The following WNK3 variants were observed in gnomAD, a reference collection of about 807,000 sequenced individuals.
WNK3 encodes WNK lysine deficient protein kinase 3, also known as serine/threonine-protein kinase WNK3.
WNK3 carries 18 observed loss-of-function variants against 116.7 expected under a neutral mutation model. The ratio of observed to expected loss-of-function variants is 0.15; its 90% CI spans 0.11 to 0.23. WNK3 has a LOEUF of 0.23. Among genes scored for constraint, WNK3 ranks in the 10% least tolerant of loss-of-function variants. WNK3 has a pLI of 1.00. For missense variants in WNK3, 993 were observed against 1,323.8 expected (o/e 0.75, Z 3.88); for synonymous variants, 404 against 469.4 (o/e 0.86, Z 1.80).
At chrX:54,212,789 G>A (rs1048415729) in intron 22 of WNK3, among the ~76,000 whole-genome samples, 2 of 111,714 alleles carry the variant, frequency 1.8e-5, no homozygotes, top group Non-Finnish European at 3.8e-5. Flanking sequence ...AATGATCCAT[G>A]TGGTAATGGA....
At chrX:54,306,012 G>A (rs1296821432) in intron 5 of WNK3, among the ~76,000 whole-genome samples, 1 of 110,640 alleles carries the variant, frequency 9.0e-6, no homozygotes, top group Non-Finnish European at 1.9e-5. Flanking sequence ...CCGAGATAGC[G>A]CCATTGCACT....
exon 24 of WNK3, chrX:54,198,335 C>T (rs782398134): frequency 8.4e-7 from 1 of 1,193,850 alleles, no homozygotes; most frequent in South Asian, 1.9e-5. Flanking sequence ...CATTTAGGAC[C>T]AGGAGGGATT....
chrX:54,295,016 C>G (rs1173451564), intron 7 of WNK3, among the ~76,000 whole-genome samples, 169 bp from the exon 8 acceptor site: 1 of 107,616 alleles, frequency 9.3e-6, no homozygotes, highest in Non-Finnish European at 1.9e-5. Flanking sequence ...CCTGCCTCAG[C>G]CTCCCAAGTA....
chrX:54,226,264 G>A (rs2067837224), intron 22 of WNK3, among the ~76,000 whole-genome samples: 1 of 109,468 alleles, frequency 9.1e-6, no homozygotes, highest in South Asian at 3.9e-4. Flanking sequence ...GAGGTCAGGA[G>A]TTCGAGATCA....
intron 17 of WNK3, among the ~76,000 whole-genome samples, chrX:54,239,650 T>G (rs2068002242): frequency 9.0e-6 from 1 of 111,286 alleles, no homozygotes; most frequent in Non-Finnish European, 1.9e-5. Context: ...TATGAAAGCA[T>G]AGGGAAATTT....
In WNK3 at chrX:54,272,831, A is replaced by G. The variant is rs372180739; in HGVS notation, c.2038-13493T>C. Among the ~76,000 whole-genome samples the G allele has an allele frequency of 5.2e-3, 582 of 112,437 alleles. 4 individuals carry two copies. Among genetic ancestry groups the G allele is most frequent in the African/African-American group, 0.018 (553 of 30,994 alleles). On this transcript the variant is annotated intron_variant, in intron 10 of 23. Transcript: ENST00000354646. ...CTAGAATTAAGATAAAGACTGAAGT[A>G]TAAAGATATTACCTTCACTGATTAA...
chrX:54,299,025 GA>G (rs1366473945), intron 6 of WNK3, among the ~76,000 whole-genome samples: 1 of 112,033 alleles, frequency 8.9e-6, no homozygotes, highest in African/African-American at 3.2e-5. Flanking sequence ...ACATATAACA[GA>G]TACAACCCTA....
chrX:54,301,752 T>G lies in WNK3; in HGVS notation c.1178+19A>C, dbSNP rs2068760670. On this transcript the variant is annotated intron_variant, in intron 6 of 23. Coordinates refer to ENST00000354646, the Ensembl canonical transcript of WNK3. ...AAATGCATCTTTCAGTTATGTCATT[T>G]TGCTACAATTGCACCCACCTTTCAG... is the stretch of plus-strand genomic sequence containing the variant. 8.5e-7 allele frequency: 1 copy of G among 1,178,299 alleles called. No individual in the cohort carries two copies. The highest frequency in any genetic ancestry group is 1.8e-5 in the African/African-American group (1 of 57,139).
chrX:54,342,541 G>A (rs1183013246), intron 1 of WNK3, among the ~76,000 whole-genome samples: 3 of 110,112 alleles, frequency 2.7e-5, no homozygotes, highest in African/African-American at 9.9e-5. Flanking sequence ...ACTCCAGCCT[G>A]GGTGACAAGA....
chrX:54,304,165 T>A (rs1557168140), intron 5 of WNK3, among the ~76,000 whole-genome samples: 1 of 110,941 alleles, frequency 9.0e-6, no homozygotes. Flanking sequence ...TTAAAGCAAA[T>A]CTCAGGCATC....
At position 54,337,544 on chromosome X, in the gene WNK3, G is replaced by C. The variant is rs782132440; in HGVS notation, c.-119-3752C>G. Among the ~76,000 whole-genome samples, 228 of 49,097 alleles carry C rather than the reference G, an allele frequency of 4.6e-3. 1 individual carries two copies. Among genetic ancestry groups the C allele is most frequent in the African/African-American group, 0.014 (224 of 15,502 alleles). The allele number at this position is 49,097 out of a possible 115,157, so 42.6% of individuals were successfully genotyped here. A position where few individuals can be genotyped will look rare whatever the true frequency, so the allele number is the denominator to read the frequency against. On this transcript the variant is annotated intron_variant, in intron 1 of 23. Transcript: ENST00000354646. ...ACTGCACGCTAGCCTGGGCGACAGA[G>C]CGAGACTAGTCTCAAATAAATAAAT...
At chrX:54,221,946 C>A (rs1275838718) in intron 22 of WNK3, among the ~76,000 whole-genome samples, 1 of 111,747 alleles carries the variant, frequency 8.9e-6, no homozygotes, top group East Asian at 2.8e-4. Flanking sequence ...CACCTGAGGT[C>A]AGGAGTTCGA....
chrX:54,211,425 G>C (rs1282326422), intron 22 of WNK3, among the ~76,000 whole-genome samples: 1 of 101,725 alleles, frequency 9.8e-6, no homozygotes, highest in African/African-American at 3.6e-5. Context: ...CTTGGGAACA[G>C]AGCTAGACTC....
intron 1 of WNK3, among the ~76,000 whole-genome samples, chrX:54,346,821 G>A (rs2069438373): frequency 9.0e-6 from 1 of 111,238 alleles, no homozygotes; most frequent in African/African-American, 3.3e-5. Flanking sequence ...ATAAATGCAA[G>A]CTTTTATTTT....
At chrX:54,295,198 TTTTAAC>T in intron 7 of WNK3, among the ~76,000 whole-genome samples, 1 of 108,863 alleles carries the variant, frequency 9.2e-6, no homozygotes, top group Non-Finnish European at 1.9e-5. Context: ...GCCCGGCCAA[TTTTAAC>T]TTTTTTTTTT....
chrX:54,321,058 C>T (rs782466460), intron 2 of WNK3, among the ~76,000 whole-genome samples: 3 of 109,045 alleles, frequency 2.8e-5, no homozygotes, highest in East Asian at 2.9e-4. Flanking sequence ...CACCATGCGC[C>T]GCTAATTTTG....
intron 22 of WNK3, among the ~76,000 whole-genome samples, chrX:54,226,469 C>CA (rs782422874): frequency 0.044 from 860 of 19,455 alleles, 31 homozygotes; most frequent in African/African-American, 0.1. Context: ...GACTCTGTCT[C>CA]AAAAAAAAAA....
chrX:54,292,965 C>G (rs782262225), exon 10 of WNK3: 13 of 1,210,691 alleles, frequency 1.1e-5, no homozygotes, highest in Non-Finnish European at 1.5e-5. Context: ...AGGACATGTA[C>G]AGGTAAAACA....
At chrX:54,254,305 AAAC>A (rs2068167478) in intron 12 of WNK3, among the ~76,000 whole-genome samples, 1 of 112,405 alleles carries the variant, frequency 8.9e-6, no homozygotes, top group African/African-American at 3.2e-5. Context: ...GTGGTAAAGA[AAAC>A]AATACAACTT....
Sources: gnomAD v4.1 joint callset for allele counts (sites outside exome capture counted in the v4.1 genomes callset) on GRCh38, gnomAD v4.1.1 for gene constraint, MANE v1.5 for transcripts, NCBI Gene and HGNC (gene_info 2026-07-23, HGNC 2026-07-21) for gene names.